The following RHOQ variants were observed in gnomAD, a reference collection of about 807,000 sequenced individuals.
RHOQ encodes ras homolog family member Q.
A neutral mutation model predicts 25.8 loss-of-function variants in RHOQ; 7 were observed. That is an observed-to-expected ratio of 0.27 (90% CI 0.15 to 0.51). The LOEUF is 0.51. Ranked by LOEUF, RHOQ falls within the 20% of genes least tolerant of loss-of-function variation. The probability of loss-of-function intolerance (pLI) is 0.97; values close to 1 mark genes in which losing one functional copy is unlikely to be tolerated. For missense variants in RHOQ, 165 were observed against 260.6 expected, an observed-to-expected ratio of 0.63 and a Z score of 2.53; for synonymous variants, 97 against 98.6, an observed-to-expected ratio of 0.98 and a Z score of 0.10.
At chr2:46,579,233 C>T (rs953649991) in intron 4 of RHOQ, among the ~76,000 whole-genome samples, 3 of 152,204 alleles carry the variant, frequency 2.0e-5, no homozygotes, top group Admixed American at 6.5e-5. Flanking sequence ...TCTCCCCTCT[C>T]ATTGGACTCT....
At chr2:46,543,283 A>T in intron 1 of RHOQ, 95 bp downstream of exon 1, 1 of 1,413,100 alleles carries the variant, frequency 7.1e-7, no homozygotes. Flanking sequence ...CCCAGAGCGC[A>T]CTCCTCTCCC....
In RHOQ at chr2:46,556,560, T is replaced by C. The variant is rs1668416887; in HGVS notation, c.201+12748T>C. Among the ~76,000 whole-genome samples the C allele has an allele frequency of 6.6e-6, 1 of 152,082 alleles. No individual in the cohort carries two copies. The highest frequency in any genetic ancestry group is 1.5e-5 in the Non-Finnish European group (1 of 68,016). On this transcript the variant is annotated intron_variant, in intron 2 of 4. Coordinates refer to ENST00000238738, the MANE Select transcript of RHOQ (RefSeq NM_012249.4). This position sits in a 1 kb window ranked among gnomAD's most constrained non-coding sequence, Gnocchi z 4.9. ...GTTCTTGTTTTCTCTGTGCCTCTGTTCATATACTCTCCCACCCCAACCACA... is the reference window on the plus strand; with the variant it reads ...GTTCTTGTTTTCTCTGTGCCTCTGTCCATATACTCTCCCACCCCAACCACA...
intron 2 of RHOQ, among the ~76,000 whole-genome samples, chr2:46,549,971 A>T (rs554333432): frequency 3.7e-4 from 56 of 152,158 alleles, no homozygotes; most frequent in Non-Finnish European, 5.0e-4. Flanking sequence ...TCTTGTCTGT[A>T]ATCTCAGTAC....
chr2:46,560,093 C>T (rs997167772), intron 2 of RHOQ, among the ~76,000 whole-genome samples: 1 of 152,200 alleles, frequency 6.6e-6, no homozygotes, highest in African/African-American at 2.4e-5. Context: ...GCTTGTGGCT[C>T]CGCGTTCAGT....
At chr2:46,545,217 TG>T (rs2103977242) in intron 2 of RHOQ, among the ~76,000 whole-genome samples, 1 of 152,318 alleles carries the variant, frequency 6.6e-6, no homozygotes, top group South Asian at 2.1e-4. Flanking sequence ...TTGGAGGATG[TG>T]GAGGGCAAGG....
At chr2:46,543,657 C>T in intron 1 of RHOQ, 97 bp from the exon 2 acceptor site, 1 of 1,072,610 alleles carries the variant, frequency 9.3e-7, no homozygotes, top group East Asian at 2.6e-5. Flanking sequence ...ACGCCTCTAG[C>T]TGGGTTGGGA....
Position 46,576,059 on chromosome 2 carries a change from C to A in RHOQ, c.202-28C>A. 1 of 1,564,150 alleles carries A rather than the reference C, an allele frequency of 6.4e-7. No homozygotes were observed. Among genetic ancestry groups the A allele is most frequent in the Non-Finnish European group, 8.6e-7 (1 of 1,158,562 alleles). On this transcript the variant is annotated intron_variant, in intron 2 of 4. Coordinates refer to ENST00000238738, the MANE Select transcript of RHOQ (RefSeq NM_012249.4). This position sits in a 1 kb window ranked among gnomAD's most constrained non-coding sequence, Gnocchi z 5.1. ...CTAGTAAACAATAGAAATGTAAATA[C>A]ATAATGAGGCTTTTCTTTGTTCCTC...
intron 2 of RHOQ, among the ~76,000 whole-genome samples, chr2:46,567,855 G>A (rs1015870848): frequency 4.6e-5 from 7 of 151,582 alleles, no homozygotes; most frequent in Admixed American, 2.0e-4. Flanking sequence ...CCAGGAGTTC[G>A]ATACTAGCCC....
In RHOQ at chr2:46,560,980, T is replaced by C. The variant is rs1668557148; in HGVS notation, c.202-15107T>C. ...GTAGCCCTATCTCAAATGCATAGAG[T>C]GTCCTACTATAGACCCCATAAACAC... On this transcript the variant is annotated intron_variant, in intron 2 of 4. Transcript: ENST00000238738. 3.4e-5 allele frequency among the ~76,000 whole-genome samples: 5 copies of C among 148,972 alleles called. No individual in the cohort carries two copies. In the South Asian group the frequency reaches 1.1e-3, roughly 32 times the overall value.
rs1351234314 is a variant in RHOQ, at chr2:46,552,203, T to G, written c.201+8391T>G. 6.6e-6 allele frequency among the ~76,000 whole-genome samples: 1 copy of G among 152,226 alleles called. No individual in the cohort carries two copies. The highest frequency in any genetic ancestry group is 6.5e-5 in the Admixed American group (1 of 15,288). On this transcript the variant is annotated intron_variant, in intron 2 of 4. Coordinates refer to ENST00000238738, the MANE Select transcript of RHOQ (RefSeq NM_012249.4). This position sits in a 1 kb window ranked among gnomAD's most constrained non-coding sequence, Gnocchi z 5.0. ...CTAAAACGGCTCCTACAAAGACTTC[T>G]GCCCCACGTGACGTTACGGGTGTTT...
intron 2 of RHOQ, among the ~76,000 whole-genome samples, chr2:46,544,094 T>G (rs1011691460): frequency 6.6e-6 from 1 of 152,172 alleles, no homozygotes; most frequent in African/African-American, 2.4e-5. Flanking sequence ...CAACTCCTGT[T>G]GCAAAGTGGC....
rs1447741139 is a variant in RHOQ at position 46,543,106 on chromosome 2, G to A, written c.60G>A (p.Val20=). ...GCGTGGTGGTCGGCGACGGGGCGGT[G>A]GGCAAGACGTGCCTACTCATGAGCT... is the stretch of plus-strand genomic sequence containing the variant. ...LKCVVVGDGA[V]GKTCLLMSYA... The change falls in exon 1 of 5, where the codon GTG becomes GTA. Residue 20 remains valine (V), a synonymous_variant. Transcript: ENST00000238738. 6.2e-7 allele frequency: 1 copy of A among 1,610,210 alleles called. No individual in the cohort carries two copies. The highest frequency in any genetic ancestry group is 8.5e-7 in the Non-Finnish European group (1 of 1,178,546).
At chr2:46,571,309 A>G (rs1392674523) in intron 2 of RHOQ, among the ~76,000 whole-genome samples, 1 of 152,208 alleles carries the variant, frequency 6.6e-6, no homozygotes, top group African/African-American at 2.4e-5. Flanking sequence ...CTTGGGTGCT[A>G]ACCTGATGCA....
intron 2 of RHOQ, chr2:46,560,454 T>G (rs1668539209): frequency 7.9e-6 from 3 of 380,348 alleles, no homozygotes; most frequent in Non-Finnish European, 1.6e-5. Context: ...AAGAACAAAG[T>G]TATAGTGGTG....
rs150992995 is a variant in RHOQ at position 46,552,875 on chromosome 2, C to G, written c.201+9063C>G. ...GGGGGCACAGAGGAGGAAGGCTTAT[C>G]CTTCCAAGGAGGTGAAATGCTAGTA... On this transcript the variant is annotated intron_variant, in intron 2 of 4. Coordinates refer to ENST00000238738, the MANE Select transcript of RHOQ (RefSeq NM_012249.4). The surrounding 1 kb of genome is among the most constrained non-coding windows in gnomAD (Gnocchi z 5.0). Among the ~76,000 whole-genome samples the G allele has an allele frequency of 2.4e-3, 369 of 152,320 alleles. No homozygotes were observed. The highest frequency in any genetic ancestry group is 4.1e-3 in the Non-Finnish European group (278 of 68,032).
intron 4 of RHOQ, 119 bp from the exon 5 acceptor site, chr2:46,580,809 A>G (rs1450884532): frequency 1.9e-5 from 13 of 680,430 alleles, no homozygotes; most frequent in Non-Finnish European, 3.0e-5. Flanking sequence ...AACATGGATG[A>G]TGAATGTATT....
chr2:46,564,226 G>A (rs946391648), intron 2 of RHOQ, among the ~76,000 whole-genome samples: 1 of 152,094 alleles, frequency 6.6e-6, no homozygotes, highest in Non-Finnish European at 1.5e-5. Context: ...GATTGCTTAA[G>A]CCCAGGAGTT....
At chr2:46,545,290 T>TTGA (rs2103977366) in intron 2 of RHOQ, among the ~76,000 whole-genome samples, 1 of 152,294 alleles carries the variant, frequency 6.6e-6, no homozygotes, top group African/African-American at 2.4e-5. Flanking sequence ...AAACAAGAGG[T>TTGA]TGACCTTATT....
intron 2 of RHOQ, among the ~76,000 whole-genome samples, chr2:46,546,497 T>C (rs1269025893): frequency 1.9e-4 from 4 of 21,250 alleles, no homozygotes; most frequent in African/African-American, 4.1e-4. Context: ...TATATATATA[T>C]ATATATATAT....
Sources: allele counts gnomAD v4.1 joint callset (sites outside exome capture counted in the v4.1 genomes callset), GRCh38; gene constraint gnomAD v4.1.1; non-coding constraint Gnocchi (gnomAD v3.1); transcripts MANE v1.5; gene names NCBI Gene and HGNC (gene_info 2026-07-23, HGNC 2026-07-21).